SECISBP2: variants seen among roughly 807,000 people sequenced by gnomAD.
The protein encoded by SECISBP2 is selenocysteine insertion sequence-binding protein 2.
A neutral mutation model predicts 98.2 loss-of-function variants in SECISBP2; 96 were observed. The observed-to-expected ratio is 0.98, with a 90% CI of 0.83 to 1.16. The LOEUF (loss-of-function observed/expected upper bound fraction) is 1.16. SECISBP2 is among the 50% of genes most tolerant of loss of function. The pLI is 0.00. For missense variants in SECISBP2, 1,046 were observed against 1,022.9 expected (o/e 1.02, Z -0.31); for synonymous variants, 407 against 370.2 (o/e 1.10, Z -1.14).
At chr9:89,366,949 A>G in the SECISBP2 span, among the ~76,000 whole-genome samples, 1 of 152,168 alleles carries the variant, frequency 6.6e-6, no homozygotes, top group Admixed American at 6.5e-5. Flanking sequence ...GATTGGATTA[A>G]TCACCCAACG....
In SECISBP2 at chr9:89,338,354, A is replaced by T. The variant is rs1829112090; in HGVS notation, c.1090-104A>T. 9.1e-6 allele frequency: 12 copies of T among 1,314,274 alleles called. 1 individual carries two copies. The South Asian group carries it at 1.4e-4, about 15-fold the overall frequency. The allele number at this position is 1,314,274 out of a possible 1,614,324, so 81.4% of individuals were successfully genotyped here. A position where few individuals can be genotyped will look rare whatever the true frequency, so the allele number is the denominator to read the frequency against. On this transcript the variant is annotated intron_variant, in intron 7 of 16. Coordinates refer to ENST00000375807, the MANE Select transcript of SECISBP2 (RefSeq NM_024077.5). ...GAACCTAATTCTGAATAAAATTGTCATGTGATTATAGGACTTGATATCTTA... is the reference window on the plus strand; with the variant it reads ...GAACCTAATTCTGAATAAAATTGTCTTGTGATTATAGGACTTGATATCTTA...
intron 8 of SECISBP2, 114 bp downstream of exon 8, chr9:89,338,694 C>A: frequency 2.6e-6 from 3 of 1,144,924 alleles, no homozygotes; most frequent in Non-Finnish European, 3.7e-6. Flanking sequence ...TTTTAATGAT[C>A]ATTTTTGTAG....
intron 14 of SECISBP2, among the ~76,000 whole-genome samples, chr9:89,354,297 CT>C (rs1588012783): frequency 6.6e-6 from 1 of 152,224 alleles, no homozygotes; most frequent in East Asian, 1.9e-4. Flanking sequence ...TAGAGTGGTA[CT>C]TTCAGCTGTG....
rs1180627637 is a variant in SECISBP2 at position 89,358,755 on chromosome 9, T to C, written c.2496T>C (p.Ser832=). The C allele has an allele frequency of 2.5e-6, 4 of 1,613,932 alleles. No homozygotes were observed. Among genetic ancestry groups the C allele is most frequent in the African/African-American group, 1.3e-5 (1 of 75,050 alleles). ...GGAAAAAACATCTGGAAGCATACAGTGGATGTACCCTGGAGCTAGAAGAAT... is the reference window on the plus strand; with the variant it reads ...GGAAAAAACATCTGGAAGCATACAGCGGATGTACCCTGGAGCTAGAAGAAT... ...EIWKKHLEAY[S]GCTLELEESL... The change falls in exon 17 of 17, where the codon AGT becomes AGC. Residue 832 remains serine (S), a synonymous_variant. Coordinates refer to ENST00000375807, the MANE Select transcript of SECISBP2 (RefSeq NM_024077.5).
intron 4 of SECISBP2, among the ~76,000 whole-genome samples, chr9:89,327,303 A>G (rs1826899036): frequency 6.6e-6 from 1 of 152,212 alleles, no homozygotes; most frequent in Non-Finnish European, 1.5e-5. Context: ...GTTACTGTAC[A>G]CTGTTGGAGA....
chr9:89,362,822 G>C (rs893849062), downstream of SECISBP2, among the ~76,000 whole-genome samples: 1 of 144,138 alleles, frequency 6.9e-6, no homozygotes, highest in African/African-American at 2.5e-5. Flanking sequence ...CACCGCAGGT[G>C]GTAGCACACA....
At chr9:89,320,064 A>G (rs569180574) in intron 2 of SECISBP2, among the ~76,000 whole-genome samples, 1 of 152,284 alleles carries the variant, frequency 6.6e-6, no homozygotes, top group East Asian at 1.9e-4. Context: ...TTAATAAGAA[A>G]TGCAGTTTCA....
At chr9:89,319,609 G>A in intron 1 of SECISBP2, 43 bp from the exon 2 acceptor site, 1 of 1,610,180 alleles carries the variant, frequency 6.2e-7, no homozygotes. Context: ...ATATTTGCTT[G>A]ATCTCTGAAT....
chr9:89,364,210 C>A, downstream of SECISBP2: 1 of 613,934 alleles, frequency 1.6e-6, no homozygotes, highest in Non-Finnish European at 2.7e-6. Context: ...TGGCCTGTGT[C>A]CCCTAGGACC....
At chr9:89,360,177 G>A (rs771899078), downstream of SECISBP2, among the ~76,000 whole-genome samples, 20 of 152,288 alleles carry the variant, frequency 1.3e-4, no homozygotes, top group Non-Finnish European at 2.2e-4. Context: ...GACATGGGAA[G>A]TAGATGTGGT....
At chr9:89,334,125 T>C in intron 6 of SECISBP2, 1 of 1,140,534 alleles carries the variant, frequency 8.8e-7, no homozygotes, top group Non-Finnish European at 1.1e-6. Context: ...CTAGTGATCT[T>C]TGACTTCTGA....
intron 3 of SECISBP2, 99 bp from the exon 4 acceptor site, chr9:89,325,798 T>G: frequency 3.8e-6 from 6 of 1,590,650 alleles, no homozygotes; most frequent in Non-Finnish European, 4.3e-6. Flanking sequence ...TTTAACCTTT[T>G]AAAAAATGAT....
At chr9:89,349,716 C>T in intron 12 of SECISBP2, 60 bp from the exon 13 acceptor site, 1 of 1,584,918 alleles carries the variant, frequency 6.3e-7, no homozygotes, top group Non-Finnish European at 8.7e-7. Flanking sequence ...ATTGGGCCAG[C>T]CCCTCAGTGT....
At chr9:89,335,108 C>A (rs1171773806) in intron 7 of SECISBP2, among the ~76,000 whole-genome samples, 1 of 150,740 alleles carries the variant, frequency 6.6e-6, no homozygotes, top group Non-Finnish European at 1.5e-5. Context: ...CCCAGCTACT[C>A]GGGAGGCTGA....
downstream of SECISBP2, among the ~76,000 whole-genome samples, chr9:89,362,910 CAGGGAGCCTCT>C (rs909439355): frequency 3.9e-5 from 6 of 152,160 alleles, no homozygotes; most frequent in African/African-American, 7.2e-5. Flanking sequence ...CGTGGGGAGA[CAGGGAGCCTCT>C]AGGGAGCCTC....
rs758250287 is a variant in SECISBP2 at position 89,319,785 on chromosome 9, C to T, written c.170C>T (p.Pro57Leu). The T allele has an allele frequency of 6.2e-7, 1 of 1,614,004 alleles. No homozygotes were observed. Among genetic ancestry groups the T allele is most frequent in the South Asian group, 1.1e-5 (1 of 91,076 alleles). ...AATYYPFVQEPPVTEQKIYTE... is the reference protein window; with the variant it reads ...AATYYPFVQELPVTEQKIYTE... ...ACATACTATCCGTTTGTTCAGGAAC[C>T]ACCAGTGACAGAGTATGTATCTTTC... is the stretch of plus-strand genomic sequence containing the variant. The change falls in exon 2 of 17, where the codon CCA (proline) becomes CTA (leucine). Residue 57 changes from proline to leucine, a missense_variant. Physicochemically the swap from Pro to Leu is moderately conservative, Grantham distance 98. Coordinates refer to ENST00000375807, the MANE Select transcript of SECISBP2 (RefSeq NM_024077.5).
intron 8 of SECISBP2, 99 bp from the exon 9 acceptor site, chr9:89,339,765 A>G: frequency 2.3e-6 from 2 of 862,058 alleles, no homozygotes; most frequent in Non-Finnish European, 4.0e-6. Flanking sequence ...AATCACTTTT[A>G]AGGGACCTTA....
At chr9:89,319,536 T>C in intron 1 of SECISBP2, 116 bp from the exon 2 acceptor site, 1 of 1,225,820 alleles carries the variant, frequency 8.2e-7, no homozygotes, top group Non-Finnish European at 1.2e-6. Context: ...CAGAAGTTTT[T>C]AAACAACATC....
Position 89,334,622 on chromosome 9 carries a change from C to G in SECISBP2, c.981C>G (p.Thr327=), listed in dbSNP as rs202017980. The G allele has an allele frequency of 1.1e-5, 17 of 1,613,804 alleles. No individual in the cohort carries two copies. The Admixed American group carries it at 2.8e-4, about 27-fold the overall frequency. The change falls in exon 7 of 17, where the codon ACC becomes ACG. Residue 327 remains threonine (T), a synonymous_variant. Coordinates refer to ENST00000375807, the MANE Select transcript of SECISBP2 (RefSeq NM_024077.5). ...TTACTTCTATGATAAACTTAAAGAC[C>G]ATTGCTTCATCAGCAGATCCTAAAA... The part of the protein sequence containing the change: ...KNVTSMINLK[T]IASSADPKNV...
Sources: gnomAD v4.1 joint callset for allele counts (sites outside exome capture counted in the v4.1 genomes callset) on GRCh38, gnomAD v4.1.1 for gene constraint, MANE v1.5 for transcripts, NCBI Gene and HGNC (gene_info 2026-07-23, HGNC 2026-07-21) for gene names.